The following GRID2 variants were observed in gnomAD, a reference collection of about 807,000 sequenced individuals.
GRID2 encodes the protein glutamate receptor ionotropic, delta-2.
A neutral mutation model predicts 114.8 loss-of-function variants in GRID2; 33 were observed. The observed-to-expected ratio is 0.29, with a 90% CI of 0.22 to 0.38. GRID2 has a LOEUF of 0.38. Ranked by LOEUF, GRID2 falls within the 10% of genes least tolerant of loss-of-function variation. The probability of loss-of-function intolerance (pLI) is 1.00; values close to 1 mark genes in which losing one functional copy is unlikely to be tolerated. For missense variants in GRID2, 1,184 were observed against 1,257.7 expected, an observed-to-expected ratio of 0.94 and a Z score of 0.89; for synonymous variants, 505 against 449.9, an observed-to-expected ratio of 1.12 and a Z score of -1.55.
chr4:93,328,823 A>G (rs1004756720), intron 8 of GRID2, among the ~76,000 whole-genome samples: 5 of 152,248 alleles, frequency 3.3e-5, no homozygotes, highest in Middle Eastern at 3.4e-3. Flanking sequence ...GGATATATAC[A>G]GGATTACAGA....
intron 2 of GRID2, among the ~76,000 whole-genome samples, chr4:92,809,197 A>C (rs1340567702): frequency 2.6e-5 from 4 of 151,996 alleles, no homozygotes; most frequent in Admixed American, 2.6e-4. Flanking sequence ...AGTAGTATTT[A>C]AAACTAAAAA....
At chr4:92,602,640 G>A (rs1371571504) in intron 2 of GRID2, among the ~76,000 whole-genome samples, 2 of 152,016 alleles carry the variant, frequency 1.3e-5, no homozygotes, top group African/African-American at 4.8e-5. Context: ...TTGAAAACTC[G>A]CACAAAACAA....
chr4:92,907,120 A>G (rs1298048101), intron 2 of GRID2, among the ~76,000 whole-genome samples: 1 of 152,202 alleles, frequency 6.6e-6, no homozygotes, highest in East Asian at 1.9e-4. Flanking sequence ...GCCAAACTTC[A>G]TGATCATCAA....
intron 2 of GRID2, among the ~76,000 whole-genome samples, chr4:93,002,138 A>G (rs1349420093): frequency 6.6e-6 from 1 of 151,752 alleles, no homozygotes; most frequent in Non-Finnish European, 1.5e-5. Context: ...TTCACATAGT[A>G]TGGAAGAGTG....
intron 4 of GRID2, among the ~76,000 whole-genome samples, chr4:93,159,306 A>G (rs746506452): frequency 1.3e-5 from 2 of 151,834 alleles, no homozygotes; most frequent in Non-Finnish European, 2.9e-5. Flanking sequence ...CAATGTTTCA[A>G]GGAGTGCTGG....
chr4:92,468,046 C>T (rs909171795), intron 1 of GRID2, among the ~76,000 whole-genome samples: 3 of 145,920 alleles, frequency 2.1e-5, no homozygotes, highest in Admixed American at 6.8e-5. Flanking sequence ...TGTCATGAAC[C>T]TAGACTGTGT....
intron 3 of GRID2, among the ~76,000 whole-genome samples, chr4:93,102,850 T>C (rs1731829785): frequency 6.6e-6 from 1 of 151,402 alleles, no homozygotes; most frequent in South Asian, 2.1e-4. Flanking sequence ...CCTAGTTTTC[T>C]TACACCAAAT....
At chr4:92,435,079 A>G (rs1416643743) in intron 1 of GRID2, among the ~76,000 whole-genome samples, 1 of 152,134 alleles carries the variant, frequency 6.6e-6, no homozygotes, top group Non-Finnish European at 1.5e-5. Context: ...TTTCATTTAC[A>G]CAGGATTATG....
intron 11 of GRID2, among the ~76,000 whole-genome samples, chr4:93,471,644 A>C (rs1724806570): frequency 6.7e-6 from 1 of 149,750 alleles, no homozygotes; most frequent in Non-Finnish European, 1.5e-5. Context: ...TTCAAGTTTA[A>C]GACATATTCC....
At chr4:92,562,112 C>T (rs1375717962) in intron 1 of GRID2, among the ~76,000 whole-genome samples, 1 of 152,118 alleles carries the variant, frequency 6.6e-6, no homozygotes, top group Non-Finnish European at 1.5e-5. Context: ...GTTTTGAATT[C>T]ATTTCTTACA....
intron 8 of GRID2, among the ~76,000 whole-genome samples, chr4:93,333,639 C>T (rs369982939): frequency 5.9e-4 from 90 of 152,236 alleles, no homozygotes; most frequent in African/African-American, 1.9e-3. Context: ...AAACCATTTC[C>T]TCATGTGTGG....
intron 2 of GRID2, among the ~76,000 whole-genome samples, chr4:92,648,900 A>T (rs963458064): frequency 2.7e-5 from 4 of 145,786 alleles, no homozygotes; most frequent in African/African-American, 1.1e-4. Flanking sequence ...ATATTATCAG[A>T]TACATAAATA....
At chr4:92,965,637 G>A (rs1027116030) in intron 2 of GRID2, among the ~76,000 whole-genome samples, 2 of 151,722 alleles carry the variant, frequency 1.3e-5, no homozygotes, top group Non-Finnish European at 2.9e-5. Context: ...CTGGCCTTCT[G>A]TGTGTTCAGC....
chr4:93,632,346 T>G (rs1720996071), intron 14 of GRID2, among the ~76,000 whole-genome samples: 1 of 152,222 alleles, frequency 6.6e-6, no homozygotes, highest in East Asian at 1.9e-4. Context: ...TTTTATGGTT[T>G]TAGGTCTAAC....
At chr4:92,686,911 A>G (rs1733934694) in intron 2 of GRID2, among the ~76,000 whole-genome samples, 1 of 152,102 alleles carries the variant, frequency 6.6e-6, no homozygotes, top group African/African-American at 2.4e-5. Flanking sequence ...TGTTTCAGCA[A>G]TTTTATAAAG....
At chr4:93,078,617 G>A (rs992184857) in intron 2 of GRID2, among the ~76,000 whole-genome samples, 2 of 147,844 alleles carry the variant, frequency 1.4e-5, no homozygotes, top group African/African-American at 4.9e-5. Context: ...ATCTATCATT[G>A]AAAAATTATA....
At chr4:92,707,990 C>G (rs1735036365) in intron 2 of GRID2, among the ~76,000 whole-genome samples, 1 of 151,978 alleles carries the variant, frequency 6.6e-6, no homozygotes, top group Non-Finnish European at 1.5e-5. Flanking sequence ...GAATGAGAAC[C>G]AATGGAGGAA....
chr4:93,108,592 A>C (rs1732465696), intron 3 of GRID2, among the ~76,000 whole-genome samples: 1 of 150,938 alleles, frequency 6.6e-6, no homozygotes, highest in Non-Finnish European at 1.5e-5. Context: ...ACAATTTGAA[A>C]TCAATAATCT....
At chr4:93,672,432 G>A (rs61388477) in intron 14 of GRID2, among the ~76,000 whole-genome samples, 2,035 of 152,314 alleles carry the variant, frequency 0.013, 49 homozygotes, top group African/African-American at 0.046. Context: ...GGAAAGAAAA[G>A]GATATCATGC....
Sources: gnomAD v4.1 joint callset for allele counts (sites outside exome capture counted in the v4.1 genomes callset) on GRCh38, gnomAD v4.1.1 for gene constraint, MANE v1.5 for transcripts, NCBI Gene and HGNC (gene_info 2026-07-23, HGNC 2026-07-21) for gene names.